DSCAM: variants seen among roughly 807,000 people sequenced by gnomAD.
DSCAM encodes the protein DS cell adhesion molecule, also known as cell adhesion molecule DSCAM.
Under a neutral mutation model 217.7 loss-of-function variants are expected in DSCAM, and 47 were observed. That is an observed-to-expected ratio of 0.22 (90% CI 0.17 to 0.28). The LOEUF is 0.28. Ranked by LOEUF, DSCAM falls within the 10% of genes least tolerant of loss-of-function variation. The pLI, the probability that DSCAM is intolerant of heterozygous loss-of-function variation, is 1.00. For synonymous variants in DSCAM, 1,056 were observed against 1,015.3 expected, an observed-to-expected ratio of 1.04 and a Z score of -0.76; for missense variants, 2,080 against 2,618.3, an observed-to-expected ratio of 0.79 and a Z score of 4.49.
chr21:40,697,595 T>C (rs1356261578), intron 2 of DSCAM, among the ~76,000 whole-genome samples: 2 of 152,222 alleles, frequency 1.3e-5, no homozygotes, highest in South Asian at 2.1e-4. Flanking sequence ...GAGCTTGCCC[T>C]TTCCTGAATG....
At chr21:40,059,023 C>T (rs2089073105) in intron 28 of DSCAM, among the ~76,000 whole-genome samples, 1 of 152,196 alleles carries the variant, frequency 6.6e-6, no homozygotes, top group Non-Finnish European at 1.5e-5. Context: ...GAGAATTTCC[C>T]AGCTTAGCCA....
chr21:40,046,356 C>G (rs1269599974), intron 30 of DSCAM, among the ~76,000 whole-genome samples: 1 of 152,172 alleles, frequency 6.6e-6, no homozygotes, highest in Non-Finnish European at 1.5e-5. Context: ...TAAATATTCT[C>G]TGGGGCATTG....
chr21:40,593,509 A>C (rs932164515), intron 3 of DSCAM, among the ~76,000 whole-genome samples: 3 of 151,938 alleles, frequency 2.0e-5, no homozygotes, highest in African/African-American at 7.3e-5. Context: ...TTGTATTTTT[A>C]GTAGAGATGG....
chr21:40,225,323 A>T (rs2091322511), intron 11 of DSCAM, among the ~76,000 whole-genome samples: 1 of 152,172 alleles, frequency 6.6e-6, no homozygotes, highest in Admixed American at 6.6e-5. Flanking sequence ...CTTTGGACCA[A>T]GCCCATGACA....
chr21:40,387,209 T>C (rs1390859733), intron 3 of DSCAM, among the ~76,000 whole-genome samples: 1 of 152,170 alleles, frequency 6.6e-6, no homozygotes, highest in Non-Finnish European at 1.5e-5. Context: ...AAAGATCTTG[T>C]TGATACTACC....
chr21:40,246,472 TGGAGGCTGCACTGAGCTGAGA>T (rs2073227437), intron 11 of DSCAM, among the ~76,000 whole-genome samples: 1 of 123,936 alleles, frequency 8.1e-6, no homozygotes, highest in Non-Finnish European at 1.6e-5. Flanking sequence ...ACCTGGGAGG[TGGAGGCTGCACTGAGCTGAGA>T]TCTCGCCACT....
chr21:40,186,162 C>T (rs1349414659), intron 14 of DSCAM, among the ~76,000 whole-genome samples: 3 of 152,198 alleles, frequency 2.0e-5, no homozygotes, highest in African/African-American at 4.8e-5. Context: ...CCTTTGCAGT[C>T]ACCATTTCCT....
At chr21:40,607,207 G>A (rs1333158029) in intron 3 of DSCAM, among the ~76,000 whole-genome samples, 1 of 133,138 alleles carries the variant, frequency 7.5e-6, no homozygotes, top group Non-Finnish European at 1.6e-5. Context: ...TTTTCAAAAA[G>A]CACAATTATG....
chr21:40,779,179 A>G (rs1333940136), intron 1 of DSCAM, among the ~76,000 whole-genome samples: 1 of 151,890 alleles, frequency 6.6e-6, no homozygotes, highest in Non-Finnish European at 1.5e-5. Flanking sequence ...AACCTTGATC[A>G]TTTTGGTGTA....
At chr21:40,392,963 A>C (rs1456711241) in intron 3 of DSCAM, among the ~76,000 whole-genome samples, 1 of 152,226 alleles carries the variant, frequency 6.6e-6, no homozygotes, top group Non-Finnish European at 1.5e-5. Flanking sequence ...TAAAAAGATC[A>C]ATGAGCTGAT....
At chr21:40,573,251 T>C (rs1170956397) in intron 3 of DSCAM, among the ~76,000 whole-genome samples, 1 of 152,020 alleles carries the variant, frequency 6.6e-6, no homozygotes, top group Non-Finnish European at 1.5e-5. Flanking sequence ...GGCAGGAGAA[T>C]GGCGTGAACC....
intron 8 of DSCAM, among the ~76,000 whole-genome samples, chr21:40,329,667 A>G (rs1028388949): frequency 6.6e-6 from 1 of 150,862 alleles, no homozygotes; most frequent in Admixed American, 6.6e-5. Context: ...TAATAAAAAT[A>G]AAAAATAAAA....
chr21:40,364,639 T>C (rs1378981361), intron 4 of DSCAM, among the ~76,000 whole-genome samples: 1 of 151,136 alleles, frequency 6.6e-6, no homozygotes, highest in Non-Finnish European at 1.5e-5. Context: ...GTAACATACC[T>C]GTACGTTATG....
At position 40,686,902 on chromosome 21, in the gene DSCAM, A is replaced by C. The variant is rs149062924; in HGVS notation, c.508+5908T>G. On this transcript the variant is annotated intron_variant, in intron 3 of 32. Coordinates refer to ENST00000400454, the MANE Select transcript of DSCAM (RefSeq NM_001389.5). Reference sequence around the variant, plus strand: ...TTTAGTGAGCGATAGACTTAAATGGAAAAAGTATAACATAATTAATGATTT... The same window carrying C: ...TTTAGTGAGCGATAGACTTAAATGGCAAAAGTATAACATAATTAATGATTT... Among the ~76,000 whole-genome samples the C allele has an allele frequency of 3.9e-4, 59 of 152,314 alleles. No homozygotes were observed. In the East Asian group the frequency reaches 9.7e-3, roughly 25 times the overall value.
At chr21:40,718,578 G>A (rs150612466) in intron 1 of DSCAM, among the ~76,000 whole-genome samples, 220 of 152,240 alleles carry the variant, frequency 1.4e-3, no homozygotes, top group Non-Finnish European at 2.6e-3. Context: ...AGAACAGCAC[G>A]GGAATGACCT....
intron 11 of DSCAM, among the ~76,000 whole-genome samples, chr21:40,222,104 C>T (rs982101405): frequency 2.0e-5 from 3 of 152,108 alleles, no homozygotes; most frequent in Non-Finnish European, 2.9e-5. Context: ...GTGTTTGTTG[C>T]CAGTGGTAAA....
chr21:40,176,355 G>A (rs1405772560), intron 15 of DSCAM, among the ~76,000 whole-genome samples: 1 of 152,088 alleles, frequency 6.6e-6, no homozygotes, highest in Admixed American at 6.5e-5. Flanking sequence ...CAAGACTTGG[G>A]TACTAGATTA....
chr21:40,281,711 C>T (rs935639579), intron 10 of DSCAM, among the ~76,000 whole-genome samples: 7 of 151,936 alleles, frequency 4.6e-5, no homozygotes, highest in South Asian at 4.2e-4. Context: ...CACATTTTGG[C>T]GGATTTTTTT....
At chr21:40,755,186 G>A (rs1163387211) in intron 1 of DSCAM, among the ~76,000 whole-genome samples, 1 of 152,192 alleles carries the variant, frequency 6.6e-6, no homozygotes, top group East Asian at 1.9e-4. Flanking sequence ...GGTGGCTCAT[G>A]CCTGTAATCC....
Sources: gnomAD v4.1 joint callset for allele counts (sites outside exome capture counted in the v4.1 genomes callset) on GRCh38, gnomAD v4.1.1 for gene constraint, MANE v1.5 for transcripts, NCBI Gene and HGNC (gene_info 2026-07-23, HGNC 2026-07-21) for gene names.